The following PCDHGA9 variants were observed in gnomAD, a reference collection of about 807,000 sequenced individuals.
The protein encoded by PCDHGA9 is protocadherin gamma-A9.
A neutral mutation model predicts 62.5 loss-of-function variants in PCDHGA9; 37 were observed. That is an observed-to-expected ratio of 0.59 (90% CI 0.46 to 0.78). PCDHGA9 has a LOEUF of 0.78. Among genes scored for constraint, PCDHGA9 ranks in the 30% least tolerant of loss-of-function variants. The probability of loss-of-function intolerance (pLI) is 0.00; values close to 1 mark genes in which losing one functional copy is unlikely to be tolerated. For missense variants in PCDHGA9, 1,138 were observed against 1,166.2 expected (o/e 0.98, Z 0.35); for synonymous variants, 459 against 484.6 (o/e 0.95, Z 0.69).
chr5:141,418,649 G>A (rs760169796), intron 1 of PCDHGA9: 3 of 1,613,926 alleles, frequency 1.9e-6, no homozygotes, highest in Non-Finnish European at 2.5e-6. Flanking sequence ...CATCCTGAGA[G>A]TGAAGGCCAC....
intron 1 of PCDHGA9, among the ~76,000 whole-genome samples, chr5:141,439,422 A>C (rs1476209707): frequency 6.6e-6 from 1 of 152,188 alleles, no homozygotes; most frequent in Non-Finnish European, 1.5e-5. Context: ...TGAGGTTATA[A>C]ATTCCCAGGA....
intron 2 of PCDHGA9, among the ~76,000 whole-genome samples, chr5:141,504,036 G>T (rs1472706342): frequency 6.6e-6 from 1 of 152,080 alleles, no homozygotes; most frequent in African/African-American, 2.4e-5. Flanking sequence ...ACTCATTTAG[G>T]CAACAAATAT....
chr5:141,404,478 CAG>C lies in PCDHGA9; in HGVS notation c.1528_1529del (p.Asp510HisfsTer11), dbSNP rs749664270. ...CTCTCCACCTATGTCTCTATTAACT[CAG>C]ACACTGGTGTGCTGTATGCTCTGTG... is the stretch of plus-strand genomic sequence containing the variant. On this transcript the variant is annotated frameshift_variant, in exon 1 of 4. Transcript: ENST00000573521. LOFTEE classifies it high-confidence loss of function. The C allele has an allele frequency of 1.9e-6, 3 of 1,613,412 alleles. No individual in the cohort carries two copies. Among genetic ancestry groups the C allele is most frequent in the Non-Finnish European group, 2.5e-6 (3 of 1,179,434 alleles).
At chr5:141,420,291 G>A in intron 1 of PCDHGA9, 1 of 1,494,346 alleles carries the variant, frequency 6.7e-7, no homozygotes, top group Non-Finnish European at 9.0e-7. Context: ...ATTTAAAAAT[G>A]TATTTAATCC....
Position 141,404,718 on chromosome 5 carries a change from C to G in PCDHGA9, c.1766C>G (p.Thr589Ser), listed in dbSNP as rs747745561. Residue 589 changes from threonine (T) to serine (S), a missense_variant, in exon 1 of 4, where the codon ACC becomes AGC. By Grantham distance (58) the Thr-to-Ser change is moderately conservative. Coordinates refer to ENST00000573521, the MANE Select transcript of PCDHGA9 (RefSeq NM_018921.3). ...TCTGCAGAGCCTGGCTACCTGGTGA[C>G]CAAGGTGGTGGCAGTGGACAGAGAC... is the stretch of plus-strand genomic sequence containing the variant. ...PRSAEPGYLV[T>S]KVVAVDRDSG... 1 of 1,614,072 alleles carries G rather than the reference C, an allele frequency of 6.2e-7. No individual in the cohort carries two copies. The highest frequency in any genetic ancestry group is 1.7e-5 in the Admixed American group (1 of 60,010).
Position 141,405,168 on chromosome 5 carries a change from A to G in PCDHGA9, c.2216A>G (p.His739Arg). 1.2e-6 allele frequency: 2 copies of G among 1,613,960 alleles called. No individual in the cohort carries two copies. Reference sequence around the variant, plus strand: ...GGGTTGGCTGGTGTGCCCACCTCACACTTTGTGGGTGTAGATGGGGTTCGA... The same window carrying G: ...GGGTTGGCTGGTGTGCCCACCTCACGCTTTGTGGGTGTAGATGGGGTTCGA... ...SDGLAGVPTS[H>R]FVGVDGVRAF... is the part of the protein sequence containing the mutation. Residue 739 changes from histidine (H) to arginine (R), a missense_variant, in exon 1 of 4, where the codon CAC (histidine) becomes CGC (arginine). By Grantham distance (29) the His-to-Arg change is conservative. Coordinates refer to ENST00000573521, the MANE Select transcript of PCDHGA9 (RefSeq NM_018921.3).
At chr5:141,434,128 G>A (rs1267483739) in intron 1 of PCDHGA9, among the ~76,000 whole-genome samples, 1 of 152,138 alleles carries the variant, frequency 6.6e-6, no homozygotes, top group Non-Finnish European at 1.5e-5. Flanking sequence ...ACTCCCTTTA[G>A]GCTGATTTCT....
intron 1 of PCDHGA9, among the ~76,000 whole-genome samples, chr5:141,443,690 A>C (rs2098399415): frequency 6.6e-6 from 1 of 152,224 alleles, no homozygotes; most frequent in Non-Finnish European, 1.5e-5. Flanking sequence ...AACACTTCAA[A>C]AATTATAGAA....
intron 1 of PCDHGA9, chr5:141,415,739 G>GGT (rs2095908308): frequency 2.3e-6 from 1 of 434,538 alleles, no homozygotes; most frequent in East Asian, 5.9e-5. Context: ...TGTTTATTAA[G>GGT]GTTTTTTTTT....
Position 141,490,602 on chromosome 5 carries a change from C to G in PCDHGA9, c.2425-4205C>G, listed in dbSNP as rs1249440194. On this transcript the variant is annotated intron_variant, in intron 1 of 3. Transcript: ENST00000573521. This position sits in a 1 kb window ranked among gnomAD's most constrained non-coding sequence, Gnocchi z 5.4. Reference sequence around the variant, plus strand: ...ATGTCAATGACAATGCACCCCGCTTCAACCAGCAGCTTTACACTGCTTACA... The same window carrying G: ...ATGTCAATGACAATGCACCCCGCTTGAACCAGCAGCTTTACACTGCTTACA... The G allele has an allele frequency of 6.2e-7, 1 of 1,614,084 alleles. No individual in the cohort carries two copies. Among genetic ancestry groups the G allele is most frequent in the African/African-American group, 1.3e-5 (1 of 74,930 alleles).
chr5:141,419,999 C>T (rs369649545), intron 1 of PCDHGA9: 4 of 1,613,960 alleles, frequency 2.5e-6, no homozygotes, highest in Non-Finnish European at 3.4e-6. Flanking sequence ...TATTGCTCTA[C>T]GCCTGCGACA....
chr5:141,478,396 G>T (rs150499152), intron 1 of PCDHGA9: 2 of 1,613,446 alleles, frequency 1.2e-6, no homozygotes, highest in African/African-American at 2.7e-5. Flanking sequence ...ACCATCAGGT[G>T]TATCTCACCA....
intron 1 of PCDHGA9, chr5:141,410,849 C>CTTTTTTTTTTTTTTGTTTTTTTT (rs2095434772): frequency 7.7e-6 from 1 of 129,786 alleles, no homozygotes; most frequent in Admixed American, 1.1e-4. Flanking sequence ...TTGTCTTTGT[C>CTTTTTTTTTTTTTTGTTTTTTTT]TTTTTTTTTT....
At chr5:141,460,331 A>T (rs537463160) in intron 1 of PCDHGA9, among the ~76,000 whole-genome samples, 3 of 152,212 alleles carry the variant, frequency 2.0e-5, no homozygotes, top group African/African-American at 7.2e-5. Flanking sequence ...AAAACTTATG[A>T]TGATTTTCTC....
Position 141,511,628 on chromosome 5 carries a change from G to C in PCDHGA9, c.*455G>C, listed in dbSNP as rs4912608. 0.2 allele frequency: 46,780 copies of C among 231,598 alleles called. 5,185 individuals are homozygous for C. The highest frequency in any genetic ancestry group is 0.32 in the Admixed American group (6,204 of 19,590). The allele number at this position is 231,598 out of a possible 1,614,324, so 14.3% of individuals were successfully genotyped here. A position where few individuals can be genotyped will look rare whatever the true frequency, so the allele number is the denominator to read the frequency against. On this transcript the variant is annotated 3_prime_UTR_variant, in exon 4 of 4. Transcript: ENST00000573521. ...CAAGCCTCCTAGTTCTGAAAAGTTG[G>C]AAGGGCATCATGACCTCTTGGCCTC...
At chr5:141,418,145 T>G in intron 1 of PCDHGA9, 4 of 1,614,052 alleles carry the variant, frequency 2.5e-6, no homozygotes, top group Non-Finnish European at 3.4e-6. Flanking sequence ...TGAGCAAATA[T>G]GCAAAGAGAG....
At chr5:141,462,019 C>T (rs1276421563) in intron 1 of PCDHGA9, among the ~76,000 whole-genome samples, 6 of 152,178 alleles carry the variant, frequency 3.9e-5, no homozygotes, top group Non-Finnish European at 8.8e-5. Flanking sequence ...GACGGGGTTT[C>T]TTCATGTTGG....
At chr5:141,410,888 C>G in intron 1 of PCDHGA9, 1 of 290,774 alleles carries the variant, frequency 3.4e-6, no homozygotes, top group Non-Finnish European at 5.6e-6. Flanking sequence ...GAGTCTCGCA[C>G]TGTTGCCTAG....
intron 3 of PCDHGA9, among the ~76,000 whole-genome samples, chr5:141,506,923 C>G: frequency 6.6e-6 from 1 of 152,184 alleles, no homozygotes; most frequent in African/African-American, 2.4e-5. Flanking sequence ...ACATACTAAA[C>G]AAACTTTAGG....
Sources: allele counts gnomAD v4.1 joint callset (sites outside exome capture counted in the v4.1 genomes callset), GRCh38; gene constraint gnomAD v4.1.1; non-coding constraint Gnocchi (gnomAD v3.1); transcripts MANE v1.5; gene names NCBI Gene and HGNC (gene_info 2026-07-23, HGNC 2026-07-21).